Variants in LUC7L2 observed in about 807,000 individuals in gnomAD.
LUC7L2 encodes the protein LUC7 like 2, pre-mRNA splicing factor, also known as putative RNA-binding protein Luc7-like 2.
Under a neutral mutation model 52.8 loss-of-function variants are expected in LUC7L2, and 25 were observed. The ratio of observed to expected loss-of-function variants is 0.47; its 90% CI spans 0.34 to 0.66. LUC7L2 has a LOEUF of 0.66. LUC7L2 is among the 30% of genes least tolerant of loss of function. The pLI is 0.01. For synonymous variants in LUC7L2, 144 were observed against 160.9 expected (o/e 0.89, Z 0.80); for missense variants, 328 against 497.8 (o/e 0.66, Z 3.25).
At position 139,398,834 on chromosome 7, in the gene LUC7L2, C is replaced by G. The variant is rs1585115838; in HGVS notation, c.255+137C>G. ...ATGAAGGGTAAGACTCAAGTAAGATCATGTACTTTCTTGACAACTCTTTTA... is the reference window on the plus strand; with the variant it reads ...ATGAAGGGTAAGACTCAAGTAAGATGATGTACTTTCTTGACAACTCTTTTA... On this transcript the variant is annotated intron_variant, in intron 3 of 9. Coordinates refer to ENST00000354926, the MANE Select transcript of LUC7L2 (RefSeq NM_016019.5). 7.7e-6 allele frequency: 5 copies of G among 653,278 alleles called. No homozygotes were observed. The East Asian group carries it at 1.2e-4, about 16-fold the overall frequency. The allele number at this position is 653,278 out of a possible 1,614,324, so 40.5% of individuals were successfully genotyped here.
chr7:139,358,656 C>T (rs777292416), upstream of LUC7L2, among the ~76,000 whole-genome samples: 1 of 152,128 alleles, frequency 6.6e-6, no homozygotes, highest in Non-Finnish European at 1.5e-5. Flanking sequence ...TTTTAAGCAA[C>T]CTTTCTTCCT....
At chr7:139,397,021 C>T (rs577752376) in intron 2 of LUC7L2, among the ~76,000 whole-genome samples, 14 of 152,104 alleles carry the variant, frequency 9.2e-5, no homozygotes, top group Non-Finnish European at 1.5e-4. Context: ...AATTATCATA[C>T]GTTTGTTTTA....
chr7:139,419,586 A>G (rs943201778), intron 9 of LUC7L2, among the ~76,000 whole-genome samples: 3 of 152,238 alleles, frequency 2.0e-5, no homozygotes, highest in African/African-American at 4.8e-5. Flanking sequence ...TCCTGTGTCA[A>G]ATCTGCCCAA....
chr7:139,341,724 G>C (rs996805783), intron 1 of LUC7L2, among the ~76,000 whole-genome samples: 5 of 152,210 alleles, frequency 3.3e-5, no homozygotes, highest in Admixed American at 2.0e-4. Flanking sequence ...AGCGGGGGGG[G>C]GCGCAGAGTC....
chr7:139,374,257 G>A, intron 1 of LUC7L2: 3 of 625,552 alleles, frequency 4.8e-6, no homozygotes, highest in Non-Finnish European at 8.4e-6. Context: ...TTAAAAAAAT[G>A]AAACACCCTG....
chr7:139,369,615 C>G (rs1235427982), intron 1 of LUC7L2, among the ~76,000 whole-genome samples: 1 of 152,194 alleles, frequency 6.6e-6, no homozygotes, highest in Non-Finnish European at 1.5e-5. Flanking sequence ...GGTTTTTCTT[C>G]TACTAACAAG....
intron 2 of LUC7L2, among the ~76,000 whole-genome samples, chr7:139,387,913 T>A (rs1165266569): frequency 6.6e-6 from 1 of 152,180 alleles, no homozygotes; most frequent in Non-Finnish European, 1.5e-5. Flanking sequence ...CCACCATGTC[T>A]GGCCTGGTTC....
intron 2 of LUC7L2, among the ~76,000 whole-genome samples, chr7:139,397,254 C>G (rs770708237): frequency 2.0e-5 from 3 of 152,200 alleles, no homozygotes; most frequent in African/African-American, 7.2e-5. Flanking sequence ...TCCTAAGATT[C>G]ATTTGCTTCT....
chr7:139,386,404 A>ATTTTTTTT (rs4028268), intron 2 of LUC7L2, among the ~76,000 whole-genome samples: 5 of 131,510 alleles, frequency 3.8e-5, no homozygotes, highest in Non-Finnish European at 6.3e-5. Flanking sequence ...GTCACTGGAA[A>ATTTTTTTT]TTTTTTTTTT....
chr7:139,390,586 C>T (rs1236671213), intron 2 of LUC7L2, among the ~76,000 whole-genome samples: 7 of 141,680 alleles, frequency 4.9e-5, no homozygotes, highest in South Asian at 2.2e-4. Flanking sequence ...GACGGAGTCT[C>T]GCTTTGTCGC....
intron 2 of LUC7L2, among the ~76,000 whole-genome samples, chr7:139,393,306 C>T (rs186924547): frequency 1.3e-5 from 2 of 151,672 alleles, no homozygotes; most frequent in East Asian, 2.0e-4. Flanking sequence ...GCCTGTTGGT[C>T]CCAGCTACTC....
At chr7:139,392,379 T>G in intron 2 of LUC7L2, 1 of 362,284 alleles carries the variant, frequency 2.8e-6, no homozygotes, top group East Asian at 8.7e-5. Flanking sequence ...ACTTTTGGAA[T>G]TTCAAAAGAA....
At chr7:139,393,956 G>C (rs1471553655) in intron 2 of LUC7L2, among the ~76,000 whole-genome samples, 1 of 152,164 alleles carries the variant, frequency 6.6e-6, no homozygotes, top group Non-Finnish European at 1.5e-5. Flanking sequence ...TTAGGCCCTT[G>C]GTCCTAGGGC....
Position 139,409,602 on chromosome 7 carries a change from C to G in LUC7L2, c.727C>G (p.Arg243Gly). The change falls in exon 7 of 10, where the codon CGG becomes GGG. Residue 243 changes from arginine to glycine, a missense_variant. Transcript: ENST00000354926. ...GAAGCAGGAGAAAAGAAACCAGGAA[C>G]GGCTGAAACGAAGAGAAGAGAGAGA... Reference protein sequence around the residue: ...AEKQEKRNQERLKRREERERE... With the variant: ...AEKQEKRNQEGLKRREERERE... 19 of 1,610,760 alleles carry G rather than the reference C, an allele frequency of 1.2e-5. No homozygotes were observed. Among genetic ancestry groups the G allele is most frequent in the Non-Finnish European group, 1.6e-5 (19 of 1,178,372 alleles).
At chr7:139,369,950 T>C (rs961606211) in intron 1 of LUC7L2, among the ~76,000 whole-genome samples, 2 of 152,210 alleles carry the variant, frequency 1.3e-5, no homozygotes, top group Non-Finnish European at 2.9e-5. Context: ...CTGCTTTGTT[T>C]TATTAGGAAC....
intron 1 of LUC7L2, chr7:139,344,869 ATT>A (rs11421635): frequency 1.1e-4 from 15 of 132,660 alleles, no homozygotes; most frequent in Admixed American, 1.5e-4. Context: ...CACCCGGCTA[ATT>A]TTTTTTTTTT....
chr7:139,385,107 T>C (rs1393381341), intron 2 of LUC7L2, among the ~76,000 whole-genome samples: 3 of 152,202 alleles, frequency 2.0e-5, no homozygotes, highest in Non-Finnish European at 4.4e-5. Flanking sequence ...TTACTTGTAT[T>C]AATAAGTACA....
intron 1 of LUC7L2, among the ~76,000 whole-genome samples, chr7:139,360,722 C>T (rs2131175827): frequency 1.3e-5 from 2 of 152,278 alleles, no homozygotes; most frequent in South Asian, 4.1e-4. Flanking sequence ...TGGGATCATC[C>T]CTCGCCGCCG....
At chr7:139,389,983 G>A (rs1350391949) in intron 2 of LUC7L2, among the ~76,000 whole-genome samples, 2 of 152,144 alleles carry the variant, frequency 1.3e-5, no homozygotes, top group Non-Finnish European at 2.9e-5. Flanking sequence ...GGACAACATA[G>A]CAAGATCCCA....
Sources: gnomAD v4.1 joint callset for allele counts (sites outside exome capture counted in the v4.1 genomes callset) on GRCh38, gnomAD v4.1.1 for gene constraint, MANE v1.5 for transcripts, NCBI Gene and HGNC (gene_info 2026-07-23, HGNC 2026-07-21) for gene names.